Variants in KIF5C observed in about 807,000 individuals in gnomAD.
The protein encoded by KIF5C is kinesin heavy chain isoform 5C.
KIF5C carries 18 observed loss-of-function variants against 125.2 expected under a neutral mutation model. That is an observed-to-expected ratio of 0.14 (90% CI 0.10 to 0.21). KIF5C has a LOEUF of 0.21. Ranked by LOEUF, KIF5C falls within the 10% of genes least tolerant of loss-of-function variation. The pLI, the probability that KIF5C is intolerant of heterozygous loss-of-function variation, is 1.00. For missense variants in KIF5C, 780 were observed against 1,183.8 expected, an observed-to-expected ratio of 0.66 and a Z score of 5.01; for synonymous variants, 405 against 434.0, an observed-to-expected ratio of 0.93 and a Z score of 0.83.
intron 10 of KIF5C, among the ~76,000 whole-genome samples, chr2:148,960,275 T>C (rs111554051): frequency 2.6e-5 from 4 of 152,252 alleles, no homozygotes; most frequent in African/African-American, 9.6e-5. Context: ...TGTGAAGTTA[T>C]CAAGGGACTC....
intron 23 of KIF5C, among the ~76,000 whole-genome samples, chr2:149,008,889 T>C (rs1017127798): frequency 2.0e-5 from 3 of 152,178 alleles, no homozygotes; most frequent in African/African-American, 7.2e-5. Flanking sequence ...TCAAACAAAT[T>C]GTCGATGAGA....
At chr2:148,904,169 T>C (rs778688044) in intron 1 of KIF5C, among the ~76,000 whole-genome samples, 2 of 152,204 alleles carry the variant, frequency 1.3e-5, no homozygotes, top group Non-Finnish European at 2.9e-5. Context: ...TGTTGAATGG[T>C]TTTCCTGTTG....
At chr2:148,896,684 A>G (rs542513773) in intron 1 of KIF5C, among the ~76,000 whole-genome samples, 1 of 152,212 alleles carries the variant, frequency 6.6e-6, no homozygotes, top group Non-Finnish European at 1.5e-5. Flanking sequence ...TAAGAAGTTA[A>G]AAATTAGCCA....
chr2:148,993,382 A>C (rs903724682), intron 16 of KIF5C, among the ~76,000 whole-genome samples: 2 of 152,226 alleles, frequency 1.3e-5, no homozygotes, highest in African/African-American at 4.8e-5. Flanking sequence ...CACAGCTTCC[A>C]TTAGGTGGAG....
intron 1 of KIF5C, among the ~76,000 whole-genome samples, chr2:148,889,773 C>T (rs1298159963): frequency 1.3e-5 from 2 of 152,204 alleles, no homozygotes; most frequent in African/African-American, 4.8e-5. Context: ...ATCCGCACGT[C>T]TTTAGTTCTG....
intron 3 of KIF5C, chr2:148,935,132 G>A (rs1682266012): frequency 5.6e-6 from 2 of 355,306 alleles, no homozygotes; most frequent in South Asian, 4.4e-5. Context: ...TTGATTTTAG[G>A]GTGAGGACTT....
chr2:149,006,132 C>T (rs1681999585), intron 22 of KIF5C, among the ~76,000 whole-genome samples: 1 of 152,140 alleles, frequency 6.6e-6, no homozygotes, highest in South Asian at 2.1e-4. Context: ...AAACAGCTTG[C>T]AGAGGTTTAA....
At chr2:148,959,708 G>A (rs1357715929) in intron 10 of KIF5C, among the ~76,000 whole-genome samples, 2 of 152,136 alleles carry the variant, frequency 1.3e-5, no homozygotes. Flanking sequence ...TGACTTAGGA[G>A]GGTGACTGGT....
chr2:149,004,683 A>G (rs1233731525), intron 21 of KIF5C, among the ~76,000 whole-genome samples: 1 of 152,262 alleles, frequency 6.6e-6, no homozygotes, highest in Non-Finnish European at 1.5e-5. Flanking sequence ...ATAAATTCAT[A>G]CTAGTCATCT....
intron 1 of KIF5C, chr2:148,884,309 C>A (rs1681452648): frequency 6.6e-6 from 1 of 152,076 alleles, no homozygotes; most frequent in African/African-American, 2.4e-5. Flanking sequence ...TGGATATACC[C>A]TTTCTTCTTG....
intron 1 of KIF5C, among the ~76,000 whole-genome samples, chr2:148,891,404 AT>A (rs1681704438): frequency 1.3e-5 from 2 of 150,718 alleles, no homozygotes; most frequent in African/African-American, 4.9e-5. Context: ...TTTTATTATT[AT>A]TTTTTTCCTA....
chr2:148,942,093 A>T (rs1682422950), intron 6 of KIF5C, 103 bp downstream of exon 6: 1 of 1,337,128 alleles, frequency 7.5e-7, no homozygotes, highest in African/African-American at 1.5e-5. Context: ...AAGAGCATAT[A>T]GGCATTTATT....
chr2:148,980,531 A>G (rs565686901), intron 13 of KIF5C, among the ~76,000 whole-genome samples: 70 of 152,244 alleles, frequency 4.6e-4, no homozygotes, highest in Non-Finnish European at 7.5e-4. Flanking sequence ...TGGATGTTAA[A>G]AAAAAGGTGA....
At chr2:148,973,228 G>T in intron 11 of KIF5C, 108 bp from the exon 12 acceptor site, 1 of 1,427,400 alleles carries the variant, frequency 7.0e-7, no homozygotes, top group Non-Finnish European at 9.3e-7. Flanking sequence ...GCCCTTTATT[G>T]TGTCTTCTGT....
chr2:148,994,525 G>T lies in KIF5C; in HGVS notation c.2010G>T (p.Lys670Asn). ...SQDSLSEELAKLRAQEKMHEV... is the reference protein window; with the variant it reads ...SQDSLSEELANLRAQEKMHEV... ...ACTCGCTCAGCGAAGAGCTGGCAAA[G>T]CTCCGAGCCCAGGGTAAATATTTGA... is the stretch of plus-strand genomic sequence containing the variant. Residue 670 changes from lysine to asparagine, a missense_variant, in exon 17 of 26, where the codon AAG becomes AAT. Physicochemically the swap from Lys to Asn is moderately conservative, Grantham distance 94 (BLOSUM62 0). Coordinates refer to ENST00000435030, the MANE Select transcript of KIF5C (RefSeq NM_004522.3). 1 of 1,562,952 alleles carries T rather than the reference G, an allele frequency of 6.4e-7. No individual in the cohort carries two copies. The highest frequency in any genetic ancestry group is 8.7e-7 in the Non-Finnish European group (1 of 1,153,672).
chr2:148,984,195 G>A (rs1432774276), intron 15 of KIF5C, among the ~76,000 whole-genome samples: 2 of 152,100 alleles, frequency 1.3e-5, no homozygotes, highest in Non-Finnish European at 2.9e-5. Context: ...TTCTAACAGT[G>A]GCTTAAGAAA....
rs941171086 is a variant in KIF5C at position 148,953,751 on chromosome 2, T to C, written c.968+3289T>C. Among the ~76,000 whole-genome samples, 3 of 152,312 alleles carry C rather than the reference T, an allele frequency of 2.0e-5. No homozygotes were observed. The East Asian group carries it at 5.8e-4, about 29-fold the overall frequency. On this transcript the variant is annotated intron_variant, in intron 10 of 25. Coordinates refer to ENST00000435030, the MANE Select transcript of KIF5C (RefSeq NM_004522.3). ...TGATGTTCTGAATAACACAGTGTAG[T>C]ATGTGTTTCGAAGCAGTTCAATCTG...
rs756751288 is a variant in KIF5C at position 148,875,614 on chromosome 2, C to A, written c.-4C>A. On this transcript the variant is annotated 5_prime_UTR_variant, in exon 1 of 26. Coordinates refer to ENST00000435030, the MANE Select transcript of KIF5C (RefSeq NM_004522.3). ...CCCGTGCCCCCTCCCTACCGCCGGCCGAGATGGCGGATCCAGCCGAATGCA... is the reference window on the plus strand; with the variant it reads ...CCCGTGCCCCCTCCCTACCGCCGGCAGAGATGGCGGATCCAGCCGAATGCA... The A allele has an allele frequency of 3.2e-5, 50 of 1,541,960 alleles. No homozygotes were observed. Among genetic ancestry groups the A allele is most frequent in the Middle Eastern group, 4.1e-4 (2 of 4,852 alleles).
At chr2:148,914,609 G>A (rs1180923859) in intron 1 of KIF5C, among the ~76,000 whole-genome samples, 1 of 152,272 alleles carries the variant, frequency 6.6e-6, no homozygotes, top group Non-Finnish European at 1.5e-5. Flanking sequence ...ACGTGAAGTG[G>A]TTGGCATTGC....
Sources: gnomAD v4.1 joint callset for allele counts (sites outside exome capture counted in the v4.1 genomes callset) on GRCh38, gnomAD v4.1.1 for gene constraint, MANE v1.5 for transcripts, NCBI Gene and HGNC (gene_info 2026-07-23, HGNC 2026-07-21) for gene names.